MIPOL1: variants seen among roughly 807,000 people sequenced by gnomAD.
MIPOL1 encodes the protein mirror-image polydactyly 1.
Under a neutral mutation model 60.9 loss-of-function variants are expected in MIPOL1, and 57 were observed. The observed-to-expected ratio is 0.94, with a 90% CI of 0.76 to 1.17. The LOEUF (loss-of-function observed/expected upper bound fraction) is 1.17. Among genes scored for constraint, MIPOL1 ranks in the 50% most tolerant of loss-of-function variants. The pLI is 0.00. For missense variants in MIPOL1, 551 were observed against 511.6 expected (o/e 1.08, Z -0.74); for synonymous variants, 179 against 168.8 (o/e 1.06, Z -0.47).
intron 7 of MIPOL1, among the ~76,000 whole-genome samples, chr14:37,286,164 A>C (rs2084547592): frequency 1.3e-5 from 2 of 151,944 alleles, no homozygotes; most frequent in South Asian, 4.2e-4. Context: ...TTTTACTTGC[A>C]GTTTTTTTAG....
chr14:37,328,842 A>G (rs2089430395), intron 9 of MIPOL1, among the ~76,000 whole-genome samples: 1 of 152,214 alleles, frequency 6.6e-6, no homozygotes, highest in Non-Finnish European at 1.5e-5. Flanking sequence ...GTGTGAGAGA[A>G]GGAGCATGCT....
intron 7 of MIPOL1, among the ~76,000 whole-genome samples, chr14:37,293,304 T>C (rs1162241328): frequency 5.3e-5 from 8 of 152,046 alleles, no homozygotes; most frequent in Admixed American, 5.2e-4. Flanking sequence ...CTGCACCCCC[T>C]CCCTATTTTA....
intron 11 of MIPOL1, among the ~76,000 whole-genome samples, chr14:37,447,294 T>C (rs1406926897): frequency 6.6e-6 from 1 of 152,214 alleles, no homozygotes; most frequent in East Asian, 1.9e-4. Context: ...CTTTTTCTTA[T>C]TTTACTTTTT....
intron 7 of MIPOL1, among the ~76,000 whole-genome samples, chr14:37,302,528 A>G (rs1442181695): frequency 6.7e-6 from 1 of 149,732 alleles, no homozygotes; most frequent in Non-Finnish European, 1.5e-5. Context: ...GCTTGCACAT[A>G]TTTTCTTCTA....
chr14:37,522,699 T>TATAAAAAAAGTATGTTGTG (rs1352571922), intron 12 of MIPOL1, among the ~76,000 whole-genome samples: 1 of 152,186 alleles, frequency 6.6e-6, no homozygotes, highest in Non-Finnish European at 1.5e-5. Flanking sequence ...GTTGTGATTA[T>TATAAAAAAAGTATGTTGTG]ATTGACTCTG....
chr14:37,360,061 G>T (rs878992508), intron 9 of MIPOL1, among the ~76,000 whole-genome samples: 3 of 152,114 alleles, frequency 2.0e-5, no homozygotes, highest in African/African-American at 4.8e-5. Flanking sequence ...GGCCTTTTCT[G>T]CATCTAATGA....
chr14:37,268,335 A>G (rs1226219472), intron 4 of MIPOL1, among the ~76,000 whole-genome samples: 1 of 152,194 alleles, frequency 6.6e-6, no homozygotes, highest in Admixed American at 6.5e-5. Flanking sequence ...TAAACATTTT[A>G]TAACCACATG....
chr14:37,490,049 A>G (rs1268430892), intron 11 of MIPOL1, among the ~76,000 whole-genome samples: 6 of 152,276 alleles, frequency 3.9e-5, no homozygotes, highest in Admixed American at 3.3e-4. Context: ...AGCTGTGCCC[A>G]CAGCCACCCC....
intron 1 of MIPOL1, among the ~76,000 whole-genome samples, chr14:37,200,929 G>T (rs185537518): frequency 1.3e-4 from 17 of 135,388 alleles, no homozygotes; most frequent in Middle Eastern, 3.9e-3. Context: ...TTGAGACAAG[G>T]TGTACCTCTG....
At chr14:37,497,982 G>A (rs908745704) in intron 11 of MIPOL1, among the ~76,000 whole-genome samples, 1 of 152,106 alleles carries the variant, frequency 6.6e-6, no homozygotes, top group Non-Finnish European at 1.5e-5. Flanking sequence ...ACATGTACAG[G>A]AATATCCATA....
Position 37,341,156 on chromosome 14 carries a change from T to C in MIPOL1, c.829-28361T>C, listed in dbSNP as rs561237947. Among the ~76,000 whole-genome samples the C allele has an allele frequency of 4.6e-5, 7 of 152,314 alleles. No homozygotes were observed. In the South Asian group the frequency reaches 1.4e-3, roughly 32 times the overall value. ...ATAATGTATCTCCATTGTTAAGCAA[T>C]GTATTCCTGTATCGTGAGTATTAAC... On this transcript the variant is annotated intron_variant, in intron 9 of 12. Coordinates refer to ENST00000684589, the MANE Select transcript of MIPOL1 (RefSeq NM_001388067.1).
chr14:37,330,640 G>T (rs2089592793), intron 9 of MIPOL1, among the ~76,000 whole-genome samples: 1 of 151,888 alleles, frequency 6.6e-6, no homozygotes, highest in Non-Finnish European at 1.5e-5. Flanking sequence ...GTAATAAAAG[G>T]GCTGTTATCA....
At chr14:37,284,503 C>T (rs1314346517) in intron 6 of MIPOL1, among the ~76,000 whole-genome samples, 2 of 152,002 alleles carry the variant, frequency 1.3e-5, no homozygotes, top group Non-Finnish European at 2.9e-5. Flanking sequence ...ACCACCATGC[C>T]TGGCTAATTT....
At chr14:37,353,674 A>C (rs2091581143) in intron 9 of MIPOL1, among the ~76,000 whole-genome samples, 1 of 151,310 alleles carries the variant, frequency 6.6e-6, no homozygotes, top group African/African-American at 2.4e-5. Flanking sequence ...TTTCTTCTAG[A>C]TTTTCTAGTT....
rs146793654 is a variant in MIPOL1, at chr14:37,422,450, A to G, written c.937-405A>G. ...GAGTTTTACTATTAATAAAGTTAAA[A>G]GAAAATCTAGTATGTTCAGGCAGTG... On this transcript the variant is annotated intron_variant, in intron 10 of 12. Transcript: ENST00000684589. Among the ~76,000 whole-genome samples, 647 of 152,144 alleles carry G rather than the reference A, an allele frequency of 4.3e-3. 6 individuals carry two copies. The highest frequency in any genetic ancestry group is 6.8e-3 in the Non-Finnish European group (462 of 67,922).
intron 11 of MIPOL1, among the ~76,000 whole-genome samples, chr14:37,424,653 A>G (rs977196095): frequency 6.6e-5 from 10 of 152,326 alleles, no homozygotes; most frequent in South Asian, 2.1e-4. Context: ...AACGTCAAGT[A>G]TGTTTGGTTG....
At chr14:37,415,628 C>CA (rs11377270) in intron 10 of MIPOL1, among the ~76,000 whole-genome samples, 49,089 of 126,578 alleles carry the variant, frequency 0.39, 10,337 homozygotes, top group African/African-American at 0.55. Context: ...GACTCTGTCT[C>CA]AAAAAAAAAA....
At chr14:37,211,255 C>G (rs1966839661) in intron 1 of MIPOL1, among the ~76,000 whole-genome samples, 1 of 133,364 alleles carries the variant, frequency 7.5e-6, no homozygotes, top group African/African-American at 2.8e-5. Context: ...TTCACGAGAG[C>G]CAAAAATCAA....
At chr14:37,523,314 G>A (rs2153632250) in intron 12 of MIPOL1, among the ~76,000 whole-genome samples, 1 of 152,220 alleles carries the variant, frequency 6.6e-6, no homozygotes, top group Non-Finnish European at 1.5e-5. Flanking sequence ...TTGACTACTG[G>A]AAGTGGTTGT....
Sources: gnomAD v4.1 joint callset for allele counts (sites outside exome capture counted in the v4.1 genomes callset) on GRCh38, gnomAD v4.1.1 for gene constraint, MANE v1.5 for transcripts, NCBI Gene and HGNC (gene_info 2026-07-23, HGNC 2026-07-21) for gene names.